Variants in LYPLAL1 observed in about 807,000 individuals in gnomAD.
LYPLAL1 encodes lysophospholipase like 1.
LYPLAL1 carries 23 observed loss-of-function variants against 19.7 expected under a neutral mutation model. That is an observed-to-expected ratio of 1.17 (90% CI 0.84 to 1.65). The LOEUF (loss-of-function observed/expected upper bound fraction) is 1.65, where lower values mean the gene tolerates loss of function less well. LYPLAL1 is among the 40% of genes most tolerant of loss of function. The probability of loss-of-function intolerance (pLI) is 0.00; values close to 1 mark genes in which losing one functional copy is unlikely to be tolerated. For synonymous variants in LYPLAL1, 119 were observed against 96.3 expected (o/e 1.24, Z -1.38); for missense variants, 355 against 279.4 (o/e 1.27, Z -1.93).
At chr1:219,241,134 C>CTATATATATA in the LYPLAL1 span, among the ~76,000 whole-genome samples, 106 of 44,326 alleles carry the variant, frequency 2.4e-3, 4 homozygotes, top group African/African-American at 3.4e-3. Context: ...CTCTCTCTCT[C>CTATATATATA]TATATATATA....
At chr1:219,206,660 G>C (rs1194617334) in intron 3 of LYPLAL1, among the ~76,000 whole-genome samples, 1 of 151,372 alleles carries the variant, frequency 6.6e-6, no homozygotes, top group Non-Finnish European at 1.5e-5. Context: ...TTAAATGTCT[G>C]CAGGATGCAT....
the LYPLAL1 span, among the ~76,000 whole-genome samples, chr1:219,327,476 G>A: frequency 6.6e-6 from 1 of 152,192 alleles, no homozygotes; most frequent in Non-Finnish European, 1.5e-5. Context: ...AGAACATCAG[G>A]AGGCAGTAAT....
chr1:219,389,490 A>G, the LYPLAL1 span, among the ~76,000 whole-genome samples: 1 of 152,194 alleles, frequency 6.6e-6, no homozygotes, highest in African/African-American at 2.4e-5. Context: ...ACACCCTTAC[A>G]AATGAAGATT....
intron 3 of LYPLAL1, among the ~76,000 whole-genome samples, chr1:219,209,518 A>G (rs772649144): frequency 6.6e-6 from 1 of 152,174 alleles, no homozygotes; most frequent in Non-Finnish European, 1.5e-5. Context: ...ATTCAAATTT[A>G]TGGTCTCTTA....
At chr1:219,285,733 A>G in the LYPLAL1 span, among the ~76,000 whole-genome samples, 1 of 152,220 alleles carries the variant, frequency 6.6e-6, no homozygotes, top group Admixed American at 6.5e-5. Context: ...GGAATGGAAG[A>G]TGAATGCTAA....
the LYPLAL1 span, among the ~76,000 whole-genome samples, chr1:219,304,985 G>A: frequency 6.6e-6 from 1 of 152,230 alleles, no homozygotes; most frequent in Non-Finnish European, 1.5e-5. Context: ...GAACTTGTGA[G>A]AATGCAAATT....
chr1:219,408,994 T>A, the LYPLAL1 span, among the ~76,000 whole-genome samples: 1 of 152,156 alleles, frequency 6.6e-6, no homozygotes. Context: ...ATTGTGTTGG[T>A]AGGATGCAGG....
chr1:219,398,748 C>T, the LYPLAL1 span, among the ~76,000 whole-genome samples: 10 of 152,158 alleles, frequency 6.6e-5, no homozygotes, highest in Non-Finnish European at 2.9e-5. Flanking sequence ...TATTCGATGA[C>T]CTCGAGGGTT....
rs949315250 is a variant in LYPLAL1, at chr1:219,212,789, A to G, written c.*1061A>G. ...TGTGGATGTATCACTATTTGTTTAC[A>G]CATTCACCACTGATATATAAGTTGC... On this transcript the variant is annotated 3_prime_UTR_variant, in exon 5 of 5. Coordinates refer to ENST00000366928, the MANE Select transcript of LYPLAL1 (RefSeq NM_138794.5). The G allele has an allele frequency of 3.3e-5, 5 of 152,068 alleles. No individual in the cohort carries two copies. The highest frequency in any genetic ancestry group is 7.4e-5 in the Non-Finnish European group (5 of 67,942). The allele number at this position is 152,068 out of a possible 1,614,324, so 9.4% of individuals were successfully genotyped here.
chr1:219,362,891 A>G, the LYPLAL1 span, among the ~76,000 whole-genome samples: 4 of 152,214 alleles, frequency 2.6e-5, no homozygotes, highest in Admixed American at 2.0e-4. Flanking sequence ...AATTTATTCA[A>G]GAGGCTATTG....
chr1:219,250,541 C>T, the LYPLAL1 span, among the ~76,000 whole-genome samples: 1 of 151,900 alleles, frequency 6.6e-6, no homozygotes, highest in Middle Eastern at 3.4e-3. Context: ...ATTTATTGTA[C>T]ATATTATTTC....
the LYPLAL1 span, among the ~76,000 whole-genome samples, chr1:219,360,017 A>G: frequency 5.3e-5 from 8 of 152,332 alleles, no homozygotes; most frequent in East Asian, 3.9e-4. Context: ...GTAAGTCTCA[A>G]TCAGAACTTT....
chr1:219,408,555 G>A, the LYPLAL1 span, among the ~76,000 whole-genome samples: 1 of 152,084 alleles, frequency 6.6e-6, no homozygotes, highest in Non-Finnish European at 1.5e-5. Context: ...TCAGTGGAGT[G>A]TTTTATAAAT....
At chr1:219,356,218 G>A in the LYPLAL1 span, among the ~76,000 whole-genome samples, 4 of 152,212 alleles carry the variant, frequency 2.6e-5, no homozygotes, top group South Asian at 6.2e-4. Flanking sequence ...AGGGAAATCT[G>A]GGGCCAGGCA....
the LYPLAL1 span, among the ~76,000 whole-genome samples, chr1:219,419,172 A>G: frequency 6.6e-6 from 1 of 152,210 alleles, no homozygotes. Context: ...AAGTATCAAG[A>G]AGAGTGATTG....
chr1:219,377,654 A>C, the LYPLAL1 span, among the ~76,000 whole-genome samples: 2 of 152,150 alleles, frequency 1.3e-5, no homozygotes, highest in Admixed American at 1.3e-4. Context: ...GATTCTATAT[A>C]ATGGATACTT....
At chr1:219,387,533 C>A in the LYPLAL1 span, among the ~76,000 whole-genome samples, 1 of 152,226 alleles carries the variant, frequency 6.6e-6, no homozygotes, top group Admixed American at 6.5e-5. Context: ...AAGATGAAAT[C>A]TAATTCTTGC....
chr1:219,389,921 T>C, the LYPLAL1 span, among the ~76,000 whole-genome samples: 2 of 152,210 alleles, frequency 1.3e-5, no homozygotes, highest in Admixed American at 1.3e-4. Context: ...TTGAAAATTA[T>C]TGAACTAGAA....
At chr1:219,340,442 A>C in the LYPLAL1 span, among the ~76,000 whole-genome samples, 1 of 152,084 alleles carries the variant, frequency 6.6e-6, no homozygotes, top group South Asian at 2.1e-4. Context: ...AGTGGTGAAC[A>C]CAACCAACCA....
Sources: gnomAD v4.1 joint callset for allele counts (sites outside exome capture counted in the v4.1 genomes callset) on GRCh38, gnomAD v4.1.1 for gene constraint, MANE v1.5 for transcripts, NCBI Gene and HGNC (gene_info 2026-07-23, HGNC 2026-07-21) for gene names.